CEP128: variants seen among roughly 807,000 people sequenced by gnomAD.
CEP128 encodes the protein centrosomal protein 128.
CEP128 carries 132 observed loss-of-function variants against 156.7 expected under a neutral mutation model. The ratio of observed to expected loss-of-function variants is 0.84; its 90% CI spans 0.73 to 0.97. CEP128 has a LOEUF of 0.97. CEP128 is among the 50% of genes least tolerant of loss of function. The pLI is 0.00. For synonymous variants in CEP128, 469 were observed against 448.9 expected (o/e 1.04, Z -0.57); for missense variants, 1,252 against 1,281.9 (o/e 0.98, Z 0.36).
chr14:80,739,562 C>A (rs1449945306), intron 19 of CEP128, among the ~76,000 whole-genome samples: 1 of 152,110 alleles, frequency 6.6e-6, no homozygotes. Context: ...GTAGTACATA[C>A]AGAATCATAC....
At chr14:80,518,284 A>G (rs1888585343) in intron 23 of CEP128, among the ~76,000 whole-genome samples, 1 of 151,600 alleles carries the variant, frequency 6.6e-6, no homozygotes, top group Non-Finnish European at 1.5e-5. Context: ...CTAAGTTGCA[A>G]GCCCCGTATT....
intron 23 of CEP128, 33 bp downstream of exon 23, chr14:80,526,836 T>A (rs1404802166): frequency 7.9e-7 from 1 of 1,265,702 alleles, no homozygotes; most frequent in East Asian, 2.3e-5. Flanking sequence ...TGGATACTAC[T>A]TAAAGACTAA....
At chr14:80,548,173 G>A (rs545338163) in intron 21 of CEP128, among the ~76,000 whole-genome samples, 1 of 152,202 alleles carries the variant, frequency 6.6e-6, no homozygotes, top group Admixed American at 6.5e-5. Context: ...GAAATTCAGA[G>A]AGGTTAAATA....
chr14:80,731,384 T>C (rs949765587), intron 19 of CEP128, among the ~76,000 whole-genome samples: 5 of 152,210 alleles, frequency 3.3e-5, no homozygotes, highest in African/African-American at 7.2e-5. Flanking sequence ...CAGAAGTTTA[T>C]TTTAAGAGTT....
At chr14:80,720,954 A>C (rs1230243879) in intron 19 of CEP128, among the ~76,000 whole-genome samples, 1 of 152,162 alleles carries the variant, frequency 6.6e-6, no homozygotes, top group Non-Finnish European at 1.5e-5. Flanking sequence ...AAGGTAAATA[A>C]ATATCCTTGA....
intron 18 of CEP128, among the ~76,000 whole-genome samples, chr14:80,749,608 T>C (rs1899285258): frequency 6.6e-6 from 1 of 152,056 alleles, no homozygotes; most frequent in Admixed American, 6.6e-5. Context: ...GAAAGTAGAA[T>C]GATGGTTACT....
intron 14 of CEP128, among the ~76,000 whole-genome samples, chr14:80,481,455 T>G (rs1273369319): frequency 6.6e-6 from 1 of 152,180 alleles, no homozygotes; most frequent in East Asian, 1.9e-4. Context: ...AAGATTTCAG[T>G]GGGGACACAG....
chr14:80,540,846 C>T (rs1187551291), intron 21 of CEP128, among the ~76,000 whole-genome samples: 2 of 152,102 alleles, frequency 1.3e-5, no homozygotes, highest in African/African-American at 4.8e-5. Context: ...GAAAAATTTA[C>T]AGGGAGAATA....
intron 18 of CEP128, 142 bp from the exon 19 acceptor site, chr14:80,743,409 T>C: frequency 1.6e-6 from 1 of 635,216 alleles, no homozygotes; most frequent in Non-Finnish European, 2.7e-6. Context: ...AATATCCATG[T>C]TTAATTTGCA....
chr14:80,729,127 G>GTGTGTGTGTGTGTGTGT (rs1222842349), intron 19 of CEP128, among the ~76,000 whole-genome samples: 1 of 115,036 alleles, frequency 8.7e-6, no homozygotes, highest in African/African-American at 2.9e-5. Flanking sequence ...GTGTGTGTGT[G>GTGTGTGTGTGTGTGTGT]TTTACCCAGT....
At chr14:80,487,536 T>A (rs574458627), downstream of CEP128, among the ~76,000 whole-genome samples, 1 of 152,156 alleles carries the variant, frequency 6.6e-6, no homozygotes, top group Non-Finnish European at 1.5e-5. Flanking sequence ...CTAATAGACA[T>A]CTGCAGAACT....
At chr14:80,656,517 CCGT>C (rs1376148918) in intron 19 of CEP128, among the ~76,000 whole-genome samples, 1 of 150,900 alleles carries the variant, frequency 6.6e-6, no homozygotes, top group African/African-American at 2.4e-5. Context: ...AGATTGAACT[CCGT>C]TTTGTTTTCT....
At chr14:80,502,079 G>A (rs1464564441) in intron 24 of CEP128, among the ~76,000 whole-genome samples, 2 of 152,172 alleles carry the variant, frequency 1.3e-5, no homozygotes, top group Admixed American at 6.5e-5. Flanking sequence ...CTGCTTCTGA[G>A]CTGCTGCTCT....
chr14:80,490,067 A>AG (rs1887273345), downstream of CEP128, among the ~76,000 whole-genome samples: 1 of 152,048 alleles, frequency 6.6e-6, no homozygotes, highest in African/African-American at 2.4e-5. Flanking sequence ...AATAAGGGGG[A>AG]GGGGCATCAA....
chr14:80,497,583 C>G lies in CEP128; in HGVS notation c.3182-1G>C. The G allele has an allele frequency of 6.2e-7, 1 of 1,604,148 alleles. No homozygotes were observed. The highest frequency in any genetic ancestry group is 2.2e-5 in the East Asian group (1 of 44,724). The stretch of plus-strand genomic sequence containing the variant: ...GGAGCAACAGTTCTTTTGGTAAATG[C>G]TGGCAAGGTAAGAAGAAAAAGAAAA... On this transcript the variant is annotated splice_acceptor_variant, in intron 24 of 24. Coordinates refer to ENST00000555265, the MANE Select transcript of CEP128 (RefSeq NM_152446.5). LOFTEE classifies it high-confidence loss of function.
At chr14:80,530,744 C>A in intron 22 of CEP128, 65 bp downstream of exon 22, 1 of 1,172,046 alleles carries the variant, frequency 8.5e-7, no homozygotes, top group Admixed American at 2.2e-5. Flanking sequence ...CTTTGCACAT[C>A]AGGAAGATGT....
intron 19 of CEP128, among the ~76,000 whole-genome samples, chr14:80,664,427 C>T (rs1895528220): frequency 6.6e-6 from 1 of 151,480 alleles, no homozygotes; most frequent in Admixed American, 6.6e-5. Flanking sequence ...ATCAGAGGGA[C>T]ATAGCCAGCA....
At chr14:80,684,411 C>A (rs533124945) in intron 19 of CEP128, among the ~76,000 whole-genome samples, 3 of 152,024 alleles carry the variant, frequency 2.0e-5, no homozygotes, top group South Asian at 2.1e-4. Context: ...AATTGAAACC[C>A]TGAACAGAAC....
intron 8 of CEP128, among the ~76,000 whole-genome samples, chr14:80,869,126 A>T (rs1020209954): frequency 1.3e-4 from 20 of 152,042 alleles, no homozygotes; most frequent in Non-Finnish European, 4.4e-5. Context: ...GAACAAGTGG[A>T]CCTAACAAAC....
Sources: allele counts gnomAD v4.1 joint callset (sites outside exome capture counted in the v4.1 genomes callset), GRCh38; gene constraint gnomAD v4.1.1; transcripts MANE v1.5; gene names NCBI Gene and HGNC (gene_info 2026-07-23, HGNC 2026-07-21).